Variants in POU6F2 observed in about 807,000 individuals in gnomAD.
POU6F2 encodes POU domain, class 6, transcription factor 2.
In POU6F2, 31 loss-of-function variants were observed where a neutral mutation model predicts 71.3. The observed-to-expected ratio is 0.43, with a 90% CI of 0.33 to 0.59. The LOEUF is 0.59. POU6F2 is among the 20% of genes least tolerant of loss of function. The pLI, the probability that POU6F2 is intolerant of heterozygous loss-of-function variation, is 0.04. For missense variants in POU6F2, 783 were observed against 856.8 expected (o/e 0.91, Z 1.07); for synonymous variants, 347 against 355.7 (o/e 0.98, Z 0.27).
intron 6 of POU6F2, among the ~76,000 whole-genome samples, chr7:39,422,362 A>AT (rs1179361144): frequency 1.8e-4 from 27 of 152,240 alleles, no homozygotes; most frequent in African/African-American, 6.3e-4. Flanking sequence ...GGAAAAAAGA[A>AT]TAAGTAAGAT....
chr7:39,186,425 C>G (rs1288297165), intron 2 of POU6F2, among the ~76,000 whole-genome samples: 2 of 152,136 alleles, frequency 1.3e-5, no homozygotes, highest in Non-Finnish European at 2.9e-5. Flanking sequence ...TCTCCCTGGT[C>G]TTTGTTTATT....
rs1339646216 is a variant in POU6F2 at position 39,358,872 on chromosome 7, T to TAA, written c.972+18857_972+18858insAA. Among the ~76,000 whole-genome samples the TAA allele has an allele frequency of 4.9e-5, 5 of 102,776 alleles. No homozygotes were observed. The East Asian group carries it at 6.5e-4, about 13-fold the overall frequency. 67.4% of individuals were successfully genotyped at this position (102,776 alleles called of 152,430 possible). ...AGAAAGTGGAGCTGTACTTCTGTATTTAAAAAAAAAAAAAAAAAAGAGTAT... is the reference window on the plus strand; with the variant it reads ...AGAAAGTGGAGCTGTACTTCTGTATTAATAAAAAAAAAAAAAAAAAAGAGTAT... On this transcript the variant is annotated intron_variant, in intron 5 of 9. Transcript: ENST00000518318.
intron 2 of POU6F2, among the ~76,000 whole-genome samples, chr7:39,196,029 A>C (rs963891358): frequency 2.0e-5 from 3 of 152,090 alleles, no homozygotes; most frequent in African/African-American, 7.2e-5. Flanking sequence ...GTAATTCTTG[A>C]CTGTTTTACT....
rs1278347020 is a variant in POU6F2 at position 39,310,006 on chromosome 7, T to C, written c.599-29636T>C. Among the ~76,000 whole-genome samples the C allele has an allele frequency of 4.6e-5, 7 of 152,062 alleles. No individual in the cohort carries two copies. The East Asian group carries it at 1.4e-3, about 29-fold the overall frequency. On this transcript the variant is annotated intron_variant, in intron 4 of 9. Transcript: ENST00000518318. Reference sequence around the variant, plus strand: ...TGCAGGTGGAATGGCAGATAAGCGGTGGAGAATTTAGCTCTTTTGGATGAT... The same window carrying C: ...TGCAGGTGGAATGGCAGATAAGCGGCGGAGAATTTAGCTCTTTTGGATGAT...
At chr7:39,115,807 A>G (rs1791916362) in intron 2 of POU6F2, among the ~76,000 whole-genome samples, 1 of 152,242 alleles carries the variant, frequency 6.6e-6, no homozygotes, top group Non-Finnish European at 1.5e-5. Context: ...AGTGAAATAA[A>G]ATCTTTTTTT....
At chr7:38,982,595 G>C (rs1250283273) in intron 1 of POU6F2, among the ~76,000 whole-genome samples, 1 of 152,002 alleles carries the variant, frequency 6.6e-6, no homozygotes, top group East Asian at 1.9e-4. Flanking sequence ...AATTAAAGCA[G>C]ACATTTAAAT....
chr7:39,198,709 C>G (rs951931447), intron 2 of POU6F2, among the ~76,000 whole-genome samples: 4 of 152,198 alleles, frequency 2.6e-5, no homozygotes, highest in Admixed American at 6.5e-5. Context: ...CTACAGTGTT[C>G]TGTACATAAA....
chr7:39,181,214 G>A (rs1050126345), intron 2 of POU6F2, among the ~76,000 whole-genome samples: 12 of 139,632 alleles, frequency 8.6e-5, no homozygotes, highest in Non-Finnish European at 1.4e-4. Flanking sequence ...ACATCCCCCA[G>A]ATGCCACTAA....
rs1001810711 is a variant in POU6F2 at position 39,047,246 on chromosome 7, A to C, written c.106-38614A>C. 7.2e-5 allele frequency among the ~76,000 whole-genome samples: 11 copies of C among 151,908 alleles called. 1 individual carries two copies. The highest frequency in any genetic ancestry group is 1.6e-4 in the Non-Finnish European group (11 of 67,888). On this transcript the variant is annotated intron_variant, in intron 1 of 9. Coordinates refer to ENST00000518318, the MANE Select transcript of POU6F2 (RefSeq NM_001370959.1). ...GATCAATTTGTCATTTTTCACAAAA[A>C]AAGCCTATTGAAATTTTGATAGAAA... is the stretch of plus-strand genomic sequence containing the variant.
At chr7:39,117,181 G>A (rs575498662) in intron 2 of POU6F2, among the ~76,000 whole-genome samples, 1 of 152,278 alleles carries the variant, frequency 6.6e-6, no homozygotes, top group African/African-American at 2.4e-5. Context: ...TTGTTACATA[G>A]TAAAATCATT....
chr7:39,425,957 T>A (rs192869789), intron 6 of POU6F2, among the ~76,000 whole-genome samples: 1 of 152,320 alleles, frequency 6.6e-6, no homozygotes, highest in East Asian at 1.9e-4. Flanking sequence ...GGTAACACAA[T>A]CTTGTATAGC....
intron 4 of POU6F2, among the ~76,000 whole-genome samples, chr7:39,276,236 G>A (rs965788475): frequency 2.0e-5 from 3 of 151,890 alleles, no homozygotes; most frequent in Non-Finnish European, 2.9e-5. Context: ...CAAAAAGTGG[G>A]CAAAGGATAT....
chr7:38,995,360 A>T (rs1034674915), intron 1 of POU6F2, among the ~76,000 whole-genome samples: 3 of 152,240 alleles, frequency 2.0e-5, no homozygotes, highest in Non-Finnish European at 2.9e-5. Context: ...TTTCTCCTGC[A>T]TCTTCAAGGC....
chr7:39,143,317 C>T (rs979417343), intron 2 of POU6F2, among the ~76,000 whole-genome samples: 12 of 152,044 alleles, frequency 7.9e-5, no homozygotes, highest in Middle Eastern at 3.2e-3. Flanking sequence ...AACCGAGTTC[C>T]GTATACAGAG....
rs543484058 is a variant in POU6F2 at position 39,009,856 on chromosome 7, C to G, written c.105+31798C>G. Among the ~76,000 whole-genome samples the G allele has an allele frequency of 6.3e-3, 948 of 150,580 alleles. 9 individuals carry two copies. Among genetic ancestry groups the G allele is most frequent in the African/African-American group, 0.021 (866 of 41,200 alleles). On this transcript the variant is annotated intron_variant, in intron 1 of 9. Coordinates refer to ENST00000518318, the MANE Select transcript of POU6F2 (RefSeq NM_001370959.1). ...ATTTGCATATATTGAACCAGCCTTG[C>G]ATCCCAGGGATGAAGCCCACTTGAT...
At position 39,199,757 on chromosome 7, in the gene POU6F2, G is replaced by T. The variant is rs116006101; in HGVS notation, c.278-4478G>T. ...TGTGAGATCAACCCTGGGACCAATG[G>T]TGTTGAGTGAACAAATGCCCTCTGA... On this transcript the variant is annotated intron_variant, in intron 2 of 9. Transcript: ENST00000518318. 3.1e-3 allele frequency among the ~76,000 whole-genome samples: 475 copies of T among 152,280 alleles called. 3 individuals carry two copies. The highest frequency in any genetic ancestry group is 0.011 in the African/African-American group (453 of 41,552).
Position 39,460,799 on chromosome 7 carries a change from G to A in POU6F2, c.1658+84G>A. Reference sequence around the variant, plus strand: ...GCGGTTCAGCTTTTCTTCGTCGGGTGGGCAAAGCTGGAGGGGCAGAGAGTG... The same window carrying A: ...GCGGTTCAGCTTTTCTTCGTCGGGTAGGCAAAGCTGGAGGGGCAGAGAGTG... On this transcript the variant is annotated intron_variant, in intron 9 of 9. Coordinates refer to ENST00000518318, the MANE Select transcript of POU6F2 (RefSeq NM_001370959.1). This position sits in a 1 kb window ranked among gnomAD's most constrained non-coding sequence, Gnocchi z 4.4. The A allele has an allele frequency of 7.1e-7, 1 of 1,404,166 alleles. No individual in the cohort carries two copies. Among genetic ancestry groups the A allele is most frequent in the African/African-American group, 1.4e-5 (1 of 69,102 alleles). 87.0% of individuals were successfully genotyped at this position (1,404,166 alleles called of 1,614,324 possible).
At chr7:39,130,621 G>A (rs1792255366) in intron 2 of POU6F2, among the ~76,000 whole-genome samples, 2 of 152,012 alleles carry the variant, frequency 1.3e-5, no homozygotes, top group Admixed American at 1.3e-4. Flanking sequence ...AATATATGTG[G>A]AAAACTCACT....
At chr7:38,981,703 G>A (rs376882410) in intron 1 of POU6F2, among the ~76,000 whole-genome samples, 1 of 152,164 alleles carries the variant, frequency 6.6e-6, no homozygotes, top group Non-Finnish European at 1.5e-5. Flanking sequence ...AGCATTAGAA[G>A]TGCAGTAAAA....
Sources: gnomAD v4.1 joint callset for allele counts (sites outside exome capture counted in the v4.1 genomes callset) on GRCh38, gnomAD v4.1.1 for gene constraint, Gnocchi (gnomAD v3.1) non-coding constraint, MANE v1.5 for transcripts, NCBI Gene and HGNC (gene_info 2026-07-23, HGNC 2026-07-21) for gene names.